The following NUFIP1 variants were observed in gnomAD, a reference collection of about 807,000 sequenced individuals.
NUFIP1 encodes nuclear FMR1 interacting protein 1.
A neutral mutation model predicts 56.2 loss-of-function variants in NUFIP1; 38 were observed. The ratio of observed to expected loss-of-function variants is 0.68; its 90% CI spans 0.52 to 0.89. The LOEUF is 0.89. Among genes scored for constraint, NUFIP1 ranks in the 40% least tolerant of loss-of-function variants. NUFIP1 has a pLI of 0.00. For missense variants in NUFIP1, 567 were observed against 605.8 expected, an observed-to-expected ratio of 0.94 and a Z score of 0.67; for synonymous variants, 215 against 212.4, an observed-to-expected ratio of 1.01 and a Z score of -0.10.
intron 1 of NUFIP1, among the ~76,000 whole-genome samples, chr13:44,987,480 C>G (rs989029703): frequency 6.6e-6 from 1 of 152,102 alleles, no homozygotes. Context: ...TTTTTTAAGA[C>G]ATAATGGTAT....
chr13:44,984,411 C>T (rs1437979911), intron 1 of NUFIP1, among the ~76,000 whole-genome samples: 1 of 152,140 alleles, frequency 6.6e-6, no homozygotes, highest in Non-Finnish European at 1.5e-5. Flanking sequence ...GAGGCCAAGG[C>T]AAGCAGATCA....
intron 5 of NUFIP1, among the ~76,000 whole-genome samples, chr13:44,978,309 A>C (rs1402398914): frequency 3.9e-5 from 6 of 152,190 alleles, no homozygotes; most frequent in Non-Finnish European, 8.8e-5. Flanking sequence ...CCAAGTACAA[A>C]TGTAACCTGC....
chr13:44,961,338 G>A (rs1181277085), intron 6 of NUFIP1, among the ~76,000 whole-genome samples: 1 of 152,092 alleles, frequency 6.6e-6, no homozygotes, highest in Non-Finnish European at 1.5e-5. Context: ...TGTGTCTGCT[G>A]TACAAATATT....
chr13:44,980,671 T>G, intron 3 of NUFIP1, 51 bp downstream of exon 3: 2 of 1,181,972 alleles, frequency 1.7e-6, no homozygotes, highest in South Asian at 1.3e-5. Flanking sequence ...AATATACAGA[T>G]AGAAGAAGCA....
chr13:44,946,463 T>TA (rs554284189), intron 8 of NUFIP1, among the ~76,000 whole-genome samples: 3 of 152,240 alleles, frequency 2.0e-5, no homozygotes, highest in East Asian at 1.9e-4. Context: ...CTAACACAGT[T>TA]AAAAAAATGC....
rs184359095 is a variant in NUFIP1 at position 44,941,544 on chromosome 13, C to T, written c.1372-222G>A. 4.3e-3 allele frequency among the ~76,000 whole-genome samples: 650 copies of T among 152,318 alleles called. 2 individuals carry two copies. Among genetic ancestry groups the T allele is most frequent in the African/African-American group, 0.014 (600 of 41,560 alleles). On this transcript the variant is annotated intron_variant, in intron 9 of 9. Coordinates refer to ENST00000379161, the MANE Select transcript of NUFIP1 (RefSeq NM_012345.3). ...ATTTATTTATTTTGAGACGGAGTCT[C>T]GCTCTGTTGCCCAGGCTGGAGTGCA...
rs1264601196 is a variant in NUFIP1 at position 44,989,072 on chromosome 13, T to C, written c.365A>G (p.Gln122Arg). 6.2e-7 allele frequency: 1 copy of C among 1,614,216 alleles called. No homozygotes were observed. Among genetic ancestry groups the C allele is most frequent in the East Asian group, 2.2e-5 (1 of 44,884 alleles). The change falls in exon 1 of 10, where the codon CAG becomes CGG. Residue 122 changes from glutamine to arginine, a missense_variant. Coordinates refer to ENST00000379161, the MANE Select transcript of NUFIP1 (RefSeq NM_012345.3). ...ATGCCGAGGAAACCTATCAGAAGAC[T>C]GTCTCCAATACCACGATGTGGAAGC... ...FHASTSWYWR[Q>R]SSDRFPRHQK...
rs565396515 is a variant in NUFIP1 at position 44,946,657 on chromosome 13, A to G, written c.1139-2983T>C. 5.9e-5 allele frequency among the ~76,000 whole-genome samples: 9 copies of G among 152,332 alleles called. No individual in the cohort carries two copies. The South Asian group carries it at 1.9e-3, about 32-fold the overall frequency. ...TCCAGAAAAATGCTATCCATGTTTA[A>G]GATTCCAAACACTTTCATGCTAATT... On this transcript the variant is annotated intron_variant, in intron 8 of 9. Transcript: ENST00000379161.
rs561898915 is a variant in NUFIP1 at position 44,952,250 on chromosome 13, A to T, written c.1022-2412T>A. On this transcript the variant is annotated intron_variant, in intron 7 of 9. Transcript: ENST00000379161. ...CAAGCGATTCTCCCCTTAGCCTCCT[A>T]AGTAGCTGGAATTACAGGCACGTGC... Among the ~76,000 whole-genome samples the T allele has an allele frequency of 3.9e-5, 6 of 152,116 alleles. No homozygotes were observed. In the East Asian group the frequency reaches 1.2e-3, roughly 29 times the overall value.
chr13:44,955,590 T>C (rs895294938), intron 7 of NUFIP1, among the ~76,000 whole-genome samples: 2 of 152,246 alleles, frequency 1.3e-5, no homozygotes, highest in East Asian at 3.8e-4. Flanking sequence ...CAGTGGGTCT[T>C]GTTATCACAG....
chr13:44,981,297 AACTC>A (rs1413978469), intron 2 of NUFIP1, among the ~76,000 whole-genome samples: 1 of 152,084 alleles, frequency 6.6e-6, no homozygotes, highest in Non-Finnish European at 1.5e-5. Context: ...AATTTGGAAA[AACTC>A]ACAGATAAAC....
chr13:44,953,685 T>C (rs1004314232), intron 7 of NUFIP1, among the ~76,000 whole-genome samples: 1 of 152,182 alleles, frequency 6.6e-6, no homozygotes, highest in Non-Finnish European at 1.5e-5. Flanking sequence ...CGCTATGAGA[T>C]GCTCTAGGTT....
chr13:44,981,932 C>CATAAAACATGTTTAACT (rs1872205980), intron 2 of NUFIP1, 140 bp downstream of exon 2: 3 of 109,576 alleles, frequency 2.7e-5, no homozygotes, highest in Non-Finnish European at 5.2e-5. Flanking sequence ...CATGTTTAAC[C>CATAAAACATGTTTAACT]ATAAAATTCC....
chr13:44,960,780 T>C lies in NUFIP1; in HGVS notation c.828-1206A>G, dbSNP rs567545180. On this transcript the variant is annotated intron_variant, in intron 6 of 9. Transcript: ENST00000379161. Reference sequence around the variant, plus strand: ...CTACTTTTAGAAAGAAAGCAAGTATTGGCCGGGCGCGGTGGCTCACGCCTT... The same window carrying C: ...CTACTTTTAGAAAGAAAGCAAGTATCGGCCGGGCGCGGTGGCTCACGCCTT... 3.3e-4 allele frequency among the ~76,000 whole-genome samples: 50 copies of C among 152,220 alleles called. No individual in the cohort carries two copies. In the South Asian group the frequency reaches 0.01, roughly 31 times the overall value.
chr13:44,978,860 G>A (rs1169390579), intron 5 of NUFIP1, among the ~76,000 whole-genome samples: 1 of 152,168 alleles, frequency 6.6e-6, no homozygotes, highest in Non-Finnish European at 1.5e-5. Context: ...TGTGCCAGAT[G>A]TACTGTTCTG....
chr13:44,988,931 G>A, intron 1 of NUFIP1, 94 bp downstream of exon 1: 2 of 1,294,332 alleles, frequency 1.5e-6, no homozygotes, highest in Admixed American at 2.1e-5. Flanking sequence ...GAGTGCAGAG[G>A]CAAGGCAGAG....
intron 9 of NUFIP1, among the ~76,000 whole-genome samples, chr13:44,941,725 G>T (rs191763245): frequency 1.3e-5 from 2 of 152,066 alleles, no homozygotes; most frequent in East Asian, 3.9e-4. Context: ...GTGTTAGCCA[G>T]GATGGTCTCG....
chr13:44,983,110 C>T (rs897919563), intron 1 of NUFIP1, among the ~76,000 whole-genome samples: 2 of 152,182 alleles, frequency 1.3e-5, no homozygotes, highest in Non-Finnish European at 2.9e-5. Flanking sequence ...CTGCCTCAGC[C>T]TCCAAAGTCC....
rs1872121029 is a variant in NUFIP1, at chr13:44,979,803, A to G, written c.657+87T>C. On this transcript the variant is annotated intron_variant, in intron 4 of 9. Coordinates refer to ENST00000379161, the MANE Select transcript of NUFIP1 (RefSeq NM_012345.3). ...AAGTACTCCATTAGTGTTACCTATT[A>G]TTAGGTATATAAATAAACAGTTGTG... is the stretch of plus-strand genomic sequence containing the variant. 5 of 913,056 alleles carry G rather than the reference A, an allele frequency of 5.5e-6. No individual in the cohort carries two copies. The East Asian group carries it at 1.3e-4, about 23-fold the overall frequency. The allele number at this position is 913,056 out of a possible 1,614,324, so 56.6% of individuals were successfully genotyped here.
Sources: allele counts gnomAD v4.1 joint callset (sites outside exome capture counted in the v4.1 genomes callset), GRCh38; gene constraint gnomAD v4.1.1; transcripts MANE v1.5; gene names NCBI Gene and HGNC (gene_info 2026-07-23, HGNC 2026-07-21).